The following DCUN1D5 variants were observed in gnomAD, a reference collection of about 807,000 sequenced individuals.
The protein encoded by DCUN1D5 is defective in cullin neddylation 1 domain containing 5.
In DCUN1D5, 10 loss-of-function variants were observed where a neutral mutation model predicts 38.3. The ratio of observed to expected loss-of-function variants is 0.26; its 90% CI spans 0.16 to 0.44. The LOEUF (loss-of-function observed/expected upper bound fraction) is 0.44. Ranked by LOEUF, DCUN1D5 falls within the 20% of genes least tolerant of loss-of-function variation. The pLI, the probability that DCUN1D5 is intolerant of heterozygous loss-of-function variation, is 1.00. For synonymous variants in DCUN1D5, 93 were observed against 90.9 expected, an observed-to-expected ratio of 1.02 and a Z score of -0.13; for missense variants, 148 against 275.3, an observed-to-expected ratio of 0.54 and a Z score of 3.27.
intron 4 of DCUN1D5, among the ~76,000 whole-genome samples, chr11:103,068,290 T>G (rs905236390): frequency 2.6e-5 from 4 of 152,122 alleles, no homozygotes; most frequent in African/African-American, 7.2e-5. Flanking sequence ...AAGTATTGTT[T>G]GTAGAACTAT....
rs1055825828 is a variant in DCUN1D5, at chr11:103,071,593, TTA to T, written c.342-5028_342-5027del. ...TATAATCTATATCTATGTAAATATT[TTA>T]TATAGAGATTTTACACAGATTTTTA... On this transcript the variant is annotated intron_variant, in intron 4 of 7. Coordinates refer to ENST00000260247, the MANE Select transcript of DCUN1D5 (RefSeq NM_032299.4). The surrounding 1 kb of genome is among the most constrained non-coding windows in gnomAD (Gnocchi z 4.1). Among the ~76,000 whole-genome samples the T allele has an allele frequency of 3.3e-5, 5 of 150,152 alleles. No individual in the cohort carries two copies. Among genetic ancestry groups the T allele is most frequent in the African/African-American group, 9.7e-5 (4 of 41,188 alleles).
Position 103,051,130 on chromosome 11 carries a change from A to G in DCUN1D5, c.*11229T>C, listed in dbSNP as rs1861719053. On this transcript the variant is annotated 3_prime_UTR_variant, in exon 8 of 8. Transcript: ENST00000260247. ...CAATTCATACATTGGAAGTTCAAGA[A>G]CCAGATTTCCCTTATTCAGTTGGTG... 6.6e-6 allele frequency: 1 copy of G among 152,188 alleles called. No homozygotes were observed. The highest frequency in any genetic ancestry group is 1.5e-5 in the Non-Finnish European group (1 of 68,040). 9.4% of individuals were successfully genotyped at this position (152,188 alleles called of 1,614,324 possible). A position where few individuals can be genotyped will look rare whatever the true frequency, so the allele number is the denominator to read the frequency against.
At position 103,053,602 on chromosome 11, in the gene DCUN1D5, CA is replaced by C. The variant is rs1565278513; in HGVS notation, c.*8756del. ...ATATCATACTATCACATGTACCCCCCAAATAAATACATTATGTATCAATGAA... is the reference window on the plus strand; with the variant it reads ...ATATCATACTATCACATGTACCCCCCAATAAATACATTATGTATCAATGAA... On this transcript the variant is annotated 3_prime_UTR_variant, in exon 8 of 8. Transcript: ENST00000260247. The surrounding 1 kb of genome is among the most constrained non-coding windows in gnomAD (Gnocchi z 4.8). The C allele has an allele frequency of 6.6e-6, 1 of 151,252 alleles. No individual in the cohort carries two copies. Among genetic ancestry groups the C allele is most frequent in the African/African-American group, 2.4e-5 (1 of 41,160 alleles). 9.4% of individuals were successfully genotyped at this position (151,252 alleles called of 1,614,324 possible).
chr11:103,062,478 ACTCC>A lies in DCUN1D5; in HGVS notation c.659-68_659-65del, dbSNP rs1425068537. 9 of 1,403,178 alleles carry A rather than the reference ACTCC, an allele frequency of 6.4e-6. No homozygotes were observed. The East Asian group carries it at 1.6e-4, about 25-fold the overall frequency. The allele number at this position is 1,403,178 out of a possible 1,614,324, so 86.9% of individuals were successfully genotyped here. On this transcript the variant is annotated intron_variant, in intron 7 of 7. Coordinates refer to ENST00000260247, the MANE Select transcript of DCUN1D5 (RefSeq NM_032299.4). This position sits in a 1 kb window ranked among gnomAD's most constrained non-coding sequence, Gnocchi z 4.6. The stretch of plus-strand genomic sequence containing the variant: ...ACTCATCTCTCCAATTATAAAACAA[ACTCC>A]CCACGAGCTCTGCAATGACAGAGGA...
chr11:103,077,602 A>G lies in DCUN1D5; in HGVS notation c.341+5146T>C, dbSNP rs186750029. Among the ~76,000 whole-genome samples, 8 of 152,314 alleles carry G rather than the reference A, an allele frequency of 5.3e-5. No homozygotes were observed. The highest frequency in any genetic ancestry group is 2.0e-4 in the Admixed American group (3 of 15,286). On this transcript the variant is annotated intron_variant, in intron 4 of 7. Transcript: ENST00000260247. This position sits in a 1 kb window ranked among gnomAD's most constrained non-coding sequence, Gnocchi z 4.3. ...CGGAAATTAATTTCCTGGTATTGCT[A>G]AGCAACTGATTACAAAGGGAGGCTT...
rs778357511 is a variant in DCUN1D5 at position 103,056,618 on chromosome 11, A to G, written c.*5741T>C. Among the ~76,000 whole-genome samples the G allele has an allele frequency of 3.3e-5, 5 of 152,228 alleles. No homozygotes were observed. The highest frequency in any genetic ancestry group is 5.9e-5 in the Non-Finnish European group (4 of 68,030). On this transcript the variant is annotated 3_prime_UTR_variant, in exon 8 of 8. Transcript: ENST00000260247. This position sits in a 1 kb window ranked among gnomAD's most constrained non-coding sequence, Gnocchi z 4.9. The stretch of plus-strand genomic sequence containing the variant: ...ACCAATTAAAATAAAAATCCCATAA[A>G]GGTTCGAAATTACTGTCTTGCTTCG...
chr11:103,079,529 G>A (rs1366799008), intron 4 of DCUN1D5, among the ~76,000 whole-genome samples: 1 of 151,842 alleles, frequency 6.6e-6, no homozygotes, highest in Non-Finnish European at 1.5e-5. Context: ...CCAGGAGTTT[G>A]AGACCAACCT....
In DCUN1D5 at chr11:103,066,178, A is replaced by C. The variant is rs528201205; in HGVS notation, c.555+91T>G. 37 of 757,668 alleles carry C rather than the reference A, an allele frequency of 4.9e-5. No homozygotes were observed. The African/African-American group carries it at 6.5e-4, about 13-fold the overall frequency. The allele number at this position is 757,668 out of a possible 1,614,324, so 46.9% of individuals were successfully genotyped here. A position where few individuals can be genotyped will look rare whatever the true frequency, so the allele number is the denominator to read the frequency against. On this transcript the variant is annotated intron_variant, in intron 6 of 7. Transcript: ENST00000260247. This position sits in a 1 kb window ranked among gnomAD's most constrained non-coding sequence, Gnocchi z 4.7. ...TTTTTCTCTAAAGTTTTTTTAAAGC[A>C]TACTATTAAAAATCTACTTGTTCCT...
chr11:103,068,901 T>A (rs1320404033), intron 4 of DCUN1D5, among the ~76,000 whole-genome samples: 1 of 152,096 alleles, frequency 6.6e-6, no homozygotes, highest in African/African-American at 2.4e-5. Context: ...AGTATTTACT[T>A]GTATATGACA....
chr11:103,083,903 C>T lies in DCUN1D5; in HGVS notation c.179-577G>A, dbSNP rs890870492. ...TTCCATTTCCAGAAAGAGCTATTTT[C>T]CTTATCATCTTGGTTCTAAAACAGA... is the stretch of plus-strand genomic sequence containing the variant. On this transcript the variant is annotated intron_variant, in intron 2 of 7. Coordinates refer to ENST00000260247, the MANE Select transcript of DCUN1D5 (RefSeq NM_032299.4). This position sits in a 1 kb window ranked among gnomAD's most constrained non-coding sequence, Gnocchi z 4.4. 2.0e-5 allele frequency among the ~76,000 whole-genome samples: 3 copies of T among 152,058 alleles called. No individual in the cohort carries two copies. Among genetic ancestry groups the T allele is most frequent in the African/African-American group, 7.2e-5 (3 of 41,418 alleles).
chr11:103,064,137 T>G lies in DCUN1D5; in HGVS notation c.658+138A>C. 1 of 592,958 alleles carries G rather than the reference T, an allele frequency of 1.7e-6. No individual in the cohort carries two copies. 36.7% of individuals were successfully genotyped at this position (592,958 alleles called of 1,614,324 possible). A position where few individuals can be genotyped will look rare whatever the true frequency, so the allele number is the denominator to read the frequency against. Reference sequence around the variant, plus strand: ...TGAATCTAAGCTCTCTCTCTACTTCTCCCACAATCCCTCACACAATTAAAT... The same window carrying G: ...TGAATCTAAGCTCTCTCTCTACTTCGCCCACAATCCCTCACACAATTAAAT... On this transcript the variant is annotated intron_variant, in intron 7 of 7. Transcript: ENST00000260247. This position sits in a 1 kb window ranked among gnomAD's most constrained non-coding sequence, Gnocchi z 4.5.
At chr11:103,075,711 C>T (rs898939324) in intron 4 of DCUN1D5, among the ~76,000 whole-genome samples, 1 of 152,038 alleles carries the variant, frequency 6.6e-6, no homozygotes, top group Non-Finnish European at 1.5e-5. Context: ...AGCATTTAAG[C>T]GTTTTACATG....
In DCUN1D5 at chr11:103,091,989, G is replaced by A. The variant is rs1862885608; in HGVS notation, c.-117C>T. 2.1e-6 allele frequency: 2 copies of A among 971,412 alleles called. No homozygotes were observed. Among genetic ancestry groups the A allele is most frequent in the Non-Finnish European group, 3.0e-6 (2 of 674,312 alleles). The allele number at this position is 971,412 out of a possible 1,614,324, so 60.2% of individuals were successfully genotyped here. On this transcript the variant is annotated 5_prime_UTR_variant, in exon 1 of 8. Transcript: ENST00000260247. This position sits in a 1 kb window ranked among gnomAD's most constrained non-coding sequence, Gnocchi z 4.3. ...AGACAGCAGCAAGCGGAGGAGCAGA[G>A]TCGCCAGCCCGCACCGGCGCGGCCC... is the stretch of plus-strand genomic sequence containing the variant.
In DCUN1D5 at chr11:103,063,599, T is replaced by C. The variant is rs1862065160; in HGVS notation, c.658+676A>G. On this transcript the variant is annotated intron_variant, in intron 7 of 7. Coordinates refer to ENST00000260247, the MANE Select transcript of DCUN1D5 (RefSeq NM_032299.4). This position sits in a 1 kb window ranked among gnomAD's most constrained non-coding sequence, Gnocchi z 4.6. ...AGGAATGTACCTTTCCTTGTAACCCTTCTGAACACTGAAAACACATGCAAC... is the reference window on the plus strand; with the variant it reads ...AGGAATGTACCTTTCCTTGTAACCCCTCTGAACACTGAAAACACATGCAAC... Among the ~76,000 whole-genome samples, 1 of 152,188 alleles carries C rather than the reference T, an allele frequency of 6.6e-6. No homozygotes were observed. The highest frequency in any genetic ancestry group is 2.4e-5 in the African/African-American group (1 of 41,444).
intron 2 of DCUN1D5, among the ~76,000 whole-genome samples, chr11:103,085,044 G>A (rs922345025): frequency 2.6e-5 from 4 of 152,146 alleles, no homozygotes; most frequent in Admixed American, 6.5e-5. Flanking sequence ...TAAAAGCCAC[G>A]ATGTAAATAT....
intron 1 of DCUN1D5, 109 bp from the exon 2 acceptor site, chr11:103,089,427 T>TC (rs200511043): frequency 0.018 from 17,813 of 965,914 alleles, 190 homozygotes; most frequent in Non-Finnish European, 0.022. Flanking sequence ...GTTTTTTTTT[T>TC]CTTCGGTTGG....
rs189585050 is a variant in DCUN1D5 at position 103,060,072 on chromosome 11, T to C, written c.*2287A>G. 5.7e-4 allele frequency among the ~76,000 whole-genome samples: 87 copies of C among 152,244 alleles called. No individual in the cohort carries two copies. Among genetic ancestry groups the C allele is most frequent in the African/African-American group, 1.9e-3 (77 of 41,550 alleles). ...CAGTAAATTAAATGCTATTCAAAATTAACAAAGGAAAGACAGGAAGGGACA... is the reference window on the plus strand; with the variant it reads ...CAGTAAATTAAATGCTATTCAAAATCAACAAAGGAAAGACAGGAAGGGACA... On this transcript the variant is annotated 3_prime_UTR_variant, in exon 8 of 8. Coordinates refer to ENST00000260247, the MANE Select transcript of DCUN1D5 (RefSeq NM_032299.4).
At position 103,064,161 on chromosome 11, in the gene DCUN1D5, A is replaced by G; in HGVS notation, c.658+114T>C. The G allele has an allele frequency of 1.9e-5, 13 of 694,952 alleles. No homozygotes were observed. The highest frequency in any genetic ancestry group is 2.8e-5 in the Non-Finnish European group (12 of 421,682). 43.0% of individuals were successfully genotyped at this position (694,952 alleles called of 1,614,324 possible). On this transcript the variant is annotated intron_variant, in intron 7 of 7. Transcript: ENST00000260247. The surrounding 1 kb of genome is among the most constrained non-coding windows in gnomAD (Gnocchi z 4.5). ...CTCCCACAATCCCTCACACAATTAA[A>G]TAAGTTACTATTACAAAGTTTAAAA...
chr11:103,073,684 TTAA>T lies in DCUN1D5; in HGVS notation c.342-7120_342-7118del, dbSNP rs1251796864. On this transcript the variant is annotated intron_variant, in intron 4 of 7. Transcript: ENST00000260247. The surrounding 1 kb of genome is among the most constrained non-coding windows in gnomAD (Gnocchi z 4.2). ...TGCACCACTGACTTACATGTAAAAT[TTAA>T]TAATGGAAGGCTTCTAGAAAAATAC... 6.6e-6 allele frequency among the ~76,000 whole-genome samples: 1 copy of T among 152,156 alleles called. No individual in the cohort carries two copies. Among genetic ancestry groups the T allele is most frequent in the Non-Finnish European group, 1.5e-5 (1 of 68,028 alleles).
Sources: allele counts gnomAD v4.1 joint callset (sites outside exome capture counted in the v4.1 genomes callset), GRCh38; gene constraint gnomAD v4.1.1; non-coding constraint Gnocchi (gnomAD v3.1); transcripts MANE v1.5; gene names NCBI Gene and HGNC (gene_info 2026-07-23, HGNC 2026-07-21).